The following DNAH3 variants were observed in gnomAD, a reference collection of about 807,000 sequenced individuals.
The protein encoded by DNAH3 is dynein axonemal heavy chain 3.
In DNAH3, 332 loss-of-function variants were observed where a neutral mutation model predicts 432.5. That is an observed-to-expected ratio of 0.77 (90% CI 0.70 to 0.84). The LOEUF is 0.84. Ranked by LOEUF, DNAH3 falls within the 40% of genes least tolerant of loss-of-function variation. The pLI is 0.00. For missense variants in DNAH3, 4,861 were observed against 5,114.0 expected, an observed-to-expected ratio of 0.95 and a Z score of 1.51; for synonymous variants, 1,956 against 1,900.2, an observed-to-expected ratio of 1.03 and a Z score of -0.76.
chr16:21,117,661 T>G (rs899844310), intron 11 of DNAH3, among the ~76,000 whole-genome samples: 4 of 152,222 alleles, frequency 2.6e-5, no homozygotes, highest in Non-Finnish European at 5.9e-5. Flanking sequence ...TTCTGAACTT[T>G]TCCTGCTTAG....
At chr16:21,002,872 A>T (rs1217312601) in intron 42 of DNAH3, among the ~76,000 whole-genome samples, 1 of 152,086 alleles carries the variant, frequency 6.6e-6, no homozygotes, top group Non-Finnish European at 1.5e-5. Context: ...TGCAACCATA[A>T]ATGTTCCCCC....
At chr16:20,997,209 C>T in intron 44 of DNAH3, 74 bp downstream of exon 44, 1 of 1,495,198 alleles carries the variant, frequency 6.7e-7, no homozygotes. Flanking sequence ...GGCACACCAA[C>T]CCACCTTTCA....
At chr16:21,067,757 T>TGGGGGGGGGG (rs35833656) in intron 23 of DNAH3, among the ~76,000 whole-genome samples, 2 of 29,798 alleles carry the variant, frequency 6.7e-5, no homozygotes, top group African/African-American at 3.4e-4. Flanking sequence ...AAGCCAGTCT[T>TGGGGGGGGGG]GGGGGGGGGG....
At chr16:20,973,663 G>A (rs940641009) in intron 51 of DNAH3, among the ~76,000 whole-genome samples, 2 of 152,198 alleles carry the variant, frequency 1.3e-5, no homozygotes, top group African/African-American at 4.8e-5. Flanking sequence ...TGAAGAAGTA[G>A]ATTTTCTTCT....
chr16:21,066,973 T>C (rs1272645570), intron 24 of DNAH3, among the ~76,000 whole-genome samples: 1 of 152,228 alleles, frequency 6.6e-6, no homozygotes, highest in African/African-American at 2.4e-5. Context: ...AAAGCTGGGA[T>C]GCCAAAGGAG....
At chr16:21,082,187 G>A (rs1281679513) in intron 19 of DNAH3, among the ~76,000 whole-genome samples, 1 of 151,664 alleles carries the variant, frequency 6.6e-6, no homozygotes, top group Non-Finnish European at 1.5e-5. Flanking sequence ...GGAGTGAGCC[G>A]CCACACCCAG....
In DNAH3 at chr16:21,020,348, G is replaced by GTGTGTGTATATATATATA; in HGVS notation, c.5777-480_5777-479insTATATATATATACACACA. Among the ~76,000 whole-genome samples the GTGTGTGTATATATATATA allele has an allele frequency of 2.9e-3, 202 of 69,110 alleles. 2 individuals carry two copies. The highest frequency in any genetic ancestry group is 0.013 in the African/African-American group (195 of 15,598). 45.3% of individuals were successfully genotyped at this position (69,110 alleles called of 152,430 possible). A position where few individuals can be genotyped will look rare whatever the true frequency, so the allele number is the denominator to read the frequency against. On this transcript the variant is annotated intron_variant, in intron 40 of 61. Transcript: ENST00000261383. Reference sequence around the variant, plus strand: ...ACTGCTGTATAATAATATAGTGTGTGTATATATATATATATATATAAAATC... The same window carrying GTGTGTGTATATATATATA: ...ACTGCTGTATAATAATATAGTGTGTGTGTGTGTATATATATATATATATATATATATATATATAAAATC...
At chr16:21,150,016 G>A (rs1033173557) in intron 1 of DNAH3, among the ~76,000 whole-genome samples, 11 of 151,796 alleles carry the variant, frequency 7.2e-5, no homozygotes, top group Non-Finnish European at 1.3e-4. Context: ...TCCTGAGATC[G>A]GGAGTTCAAG....
At chr16:21,051,210 C>T (rs1025634249) in intron 29 of DNAH3, among the ~76,000 whole-genome samples, 1 of 152,168 alleles carries the variant, frequency 6.6e-6, no homozygotes, top group African/African-American at 2.4e-5. Context: ...CACAAAATCC[C>T]GATCTCAAAG....
intron 36 of DNAH3, among the ~76,000 whole-genome samples, chr16:21,033,481 A>T (rs928219546): frequency 2.0e-5 from 3 of 152,168 alleles, no homozygotes; most frequent in African/African-American, 7.2e-5. Flanking sequence ...ACAGAGGATA[A>T]CACAGGTTTA....
intron 24 of DNAH3, among the ~76,000 whole-genome samples, chr16:21,064,438 TC>T (rs1251555952): frequency 6.6e-6 from 1 of 152,230 alleles, no homozygotes; most frequent in Non-Finnish European, 1.5e-5. Context: ...GCTAAACTGA[TC>T]ATGTGAAACA....
intron 42 of DNAH3, 81 bp downstream of exon 42, chr16:21,003,023 A>T: frequency 1.0e-6 from 1 of 955,056 alleles, no homozygotes; most frequent in Non-Finnish European, 1.7e-6. Flanking sequence ...CTCCTCGCAA[A>T]GACTGTTAAT....
intron 1 of DNAH3, among the ~76,000 whole-genome samples, chr16:21,147,367 C>G (rs907170242): frequency 1.3e-5 from 2 of 151,938 alleles, no homozygotes; most frequent in Admixed American, 1.3e-4. Flanking sequence ...GGGTGCCCAC[C>G]ACCATGCCTG....
chr16:21,136,507 A>G, exon 6 of DNAH3: 5 of 1,614,122 alleles, frequency 3.1e-6, no homozygotes, highest in Non-Finnish European at 4.2e-6. Context: ...AGATAGTAAT[A>G]GTATCTCTTC....
intron 1 of DNAH3, chr16:21,150,504 G>A (rs564937833): frequency 1.8e-5 from 5 of 285,364 alleles, no homozygotes; most frequent in African/African-American, 1.1e-4. Context: ...GCCTCTCTGA[G>A]GTCATAGACT....
chr16:21,039,797 A>G (rs1180754054), intron 33 of DNAH3, 55 bp downstream of exon 33: 1 of 1,323,386 alleles, frequency 7.6e-7, no homozygotes, highest in East Asian at 2.3e-5. Flanking sequence ...TCTGCCACGC[A>G]AAAAGCCGCT....
At chr16:21,135,586 A>G (rs1471204760) in intron 6 of DNAH3, among the ~76,000 whole-genome samples, 2 of 152,140 alleles carry the variant, frequency 1.3e-5, no homozygotes, top group African/African-American at 4.8e-5. Flanking sequence ...CCAGCTACTC[A>G]GGAGGCTGAG....
Position 20,970,236 on chromosome 16 carries a change from C to T in DNAH3, c.8260-246G>A, listed in dbSNP as rs369738476. Among the ~76,000 whole-genome samples, 3 of 152,072 alleles carry T rather than the reference C, an allele frequency of 2.0e-5. No homozygotes were observed. In the South Asian group the frequency reaches 6.2e-4, roughly 31 times the overall value. On this transcript the variant is annotated intron_variant, in intron 51 of 61. Coordinates refer to ENST00000261383, the Ensembl canonical transcript of DNAH3. The stretch of plus-strand genomic sequence containing the variant: ...AACATCTGAGCATTCAACTTATTTG[C>T]TTTTTTGGCCAGGCACAGTAGCTCA...
Position 20,936,688 on chromosome 16 carries a change from GC to G in DNAH3, c.11819del (p.Gly3940AlafsTer10), listed in dbSNP as rs779871173. 2.5e-6 allele frequency: 4 copies of G among 1,606,516 alleles called. No homozygotes were observed. Among genetic ancestry groups the G allele is most frequent in the South Asian group, 2.2e-5 (2 of 89,750 alleles). ...GGCGGGCCAGCAGGTCAGCCACGTAGCCCCCCAGAGGCTTCAGTGATGGGTA... is the reference window on the plus strand; with the variant it reads ...GGCGGGCCAGCAGGTCAGCCACGTAGCCCCCAGAGGCTTCAGTGATGGGTA... On this transcript the variant is annotated frameshift_variant, in exon 60 of 62. Coordinates refer to ENST00000261383, the Ensembl canonical transcript of DNAH3. LOFTEE classifies it high-confidence loss of function.
Sources: gnomAD v4.1 joint callset for allele counts (sites outside exome capture counted in the v4.1 genomes callset) on GRCh38, gnomAD v4.1.1 for gene constraint, MANE v1.5 for transcripts, NCBI Gene and HGNC (gene_info 2026-07-23, HGNC 2026-07-21) for gene names.